The following COG7 variants were observed in gnomAD, a reference collection of about 807,000 sequenced individuals.
COG7 encodes component of oligomeric golgi complex 7.
In COG7, 49 loss-of-function variants were observed where a neutral mutation model predicts 91.5. The ratio of observed to expected loss-of-function variants is 0.54; its 90% CI spans 0.43 to 0.68. The LOEUF (loss-of-function observed/expected upper bound fraction) is 0.68, where lower values mean the gene tolerates loss of function less well. COG7 is among the 30% of genes least tolerant of loss of function. The pLI, the probability that COG7 is intolerant of heterozygous loss-of-function variation, is 0.00. For synonymous variants in COG7, 365 were observed against 388.7 expected (o/e 0.94, Z 0.72); for missense variants, 895 against 961.3 (o/e 0.93, Z 0.91).
chr16:23,427,144 G>C (rs760352605), intron 6 of COG7, among the ~76,000 whole-genome samples: 2 of 152,122 alleles, frequency 1.3e-5, no homozygotes, highest in African/African-American at 2.4e-5. Context: ...CCAGCTACTG[G>C]GGAGGCTGAG....
At position 23,389,094 on chromosome 16, in the gene COG7, G is replaced by GGC; in HGVS notation, c.2147-10_2147-9dup. 1 of 1,613,434 alleles carries GGC rather than the reference G, an allele frequency of 6.2e-7. No individual in the cohort carries two copies. Among genetic ancestry groups the GGC allele is most frequent in the East Asian group, 2.2e-5 (1 of 44,850 alleles). ...TCACGTTGATCAGATAGTCTGTGGGGGCGGAGAGGAGACAGACAGAGCTCC... is the reference window on the plus strand; with the variant it reads ...TCACGTTGATCAGATAGTCTGTGGGGGCGCGGAGAGGAGACAGACAGAGCTCC... On this transcript the variant is annotated splice_polypyrimidine_tract_variant and intron_variant, in intron 16 of 16. Transcript: ENST00000307149.
At chr16:23,403,967 C>A in intron 12 of COG7, 133 bp from the exon 13 acceptor site, 3 of 1,001,192 alleles carry the variant, frequency 3.0e-6, no homozygotes, top group Non-Finnish European at 4.5e-6. Context: ...CTGGCTGTGC[C>A]CCAGGCCCCT....
At chr16:23,407,445 G>C (rs1346922932) in intron 11 of COG7, among the ~76,000 whole-genome samples, 11 of 152,214 alleles carry the variant, frequency 7.2e-5, no homozygotes, top group Non-Finnish European at 5.9e-5. Context: ...CTAAGGGTTA[G>C]CAGAATGATC....
At chr16:23,391,071 A>T (rs1032166922) in intron 16 of COG7, among the ~76,000 whole-genome samples, 1 of 152,220 alleles carries the variant, frequency 6.6e-6, no homozygotes, top group African/African-American at 2.4e-5. Context: ...TCAGTTTCAT[A>T]TACTAGCCTT....
chr16:23,395,724 G>A (rs1221131664), intron 14 of COG7, among the ~76,000 whole-genome samples: 1 of 152,180 alleles, frequency 6.6e-6, no homozygotes, highest in Non-Finnish European at 1.5e-5. Context: ...TATGGAAAGG[G>A]CTGCTTAGCA....
intron 16 of COG7, chr16:23,391,991 C>G: frequency 2.4e-5 from 28 of 1,172,548 alleles, no homozygotes; most frequent in Non-Finnish European, 3.0e-5. Context: ...TTACATAAGA[C>G]GATGGGTGCG....
chr16:23,442,760 T>A, intron 3 of COG7, 115 bp from the exon 4 acceptor site: 1 of 926,972 alleles, frequency 1.1e-6, no homozygotes, highest in Non-Finnish European at 1.7e-6. Context: ...GGGCTGGGCA[T>A]CGTGGTGGTT....
Position 23,398,082 on chromosome 16 carries a change from G to T in COG7, c.1851C>A (p.Pro617=). The T allele has an allele frequency of 6.2e-7, 1 of 1,614,096 alleles. No individual in the cohort carries two copies. The highest frequency in any genetic ancestry group is 1.1e-5 in the South Asian group (1 of 91,054). Reference sequence around the variant, plus strand: ...ACTCGAGAGGGGTGAGACTAAAGGCGGGCAGTTCATCTGTGAGGGTTTCTC... The same window carrying T: ...ACTCGAGAGGGGTGAGACTAAAGGCTGGCAGTTCATCTGTGAGGGTTTCTC... ...GIGETLTDEL[P]AFSLTPLEYI... The change falls in exon 14 of 17, where the codon CCC becomes CCA. Residue 617 remains proline, a synonymous_variant. Transcript: ENST00000307149.
chr16:23,400,838 C>T (rs566264585), intron 13 of COG7, among the ~76,000 whole-genome samples: 1 of 152,084 alleles, frequency 6.6e-6, no homozygotes, highest in East Asian at 1.9e-4. Flanking sequence ...GGTGTGGTGA[C>T]GCTTGCCTGT....
At chr16:23,424,072 G>T (rs567518158) in intron 7 of COG7, among the ~76,000 whole-genome samples, 1 of 152,062 alleles carries the variant, frequency 6.6e-6, no homozygotes, top group Non-Finnish European at 1.5e-5. Context: ...AGGCCGAGGC[G>T]GGCAGATCAC....
intron 1 of COG7, among the ~76,000 whole-genome samples, chr16:23,451,531 T>C (rs886184495): frequency 3.3e-5 from 5 of 152,036 alleles, no homozygotes; most frequent in Admixed American, 6.6e-5. Context: ...CTGGGCAACA[T>C]AGTGCGACCT....
intron 7 of COG7, among the ~76,000 whole-genome samples, chr16:23,421,966 TA>T (rs760007741): frequency 1.1e-4 from 17 of 151,844 alleles, no homozygotes; most frequent in Non-Finnish European, 2.1e-4. Flanking sequence ...GCTCAAAAAC[TA>T]ATGTATAAAA....
In COG7 at chr16:23,434,681, A is replaced by G. The variant is rs1362703585; in HGVS notation, c.642T>C (p.Ile214=). 2 of 1,613,900 alleles carry G rather than the reference A, an allele frequency of 1.2e-6. No homozygotes were observed. The highest frequency in any genetic ancestry group is 1.7e-6 in the Non-Finnish European group (2 of 1,179,750). ...AGGCCAGGAGCTGGGGCATCCGGTCAATTTCAGTAAACACCTTCACAAACA... is the reference window on the plus strand; with the variant it reads ...AGGCCAGGAGCTGGGGCATCCGGTCGATTTCAGTAAACACCTTCACAAACA... The part of the protein sequence containing the change: ...SKVFVKVFTE[I]DRMPQLLAYY... Residue 214 remains isoleucine (I), a synonymous_variant, in exon 5 of 17, where the codon ATT becomes ATC. Transcript: ENST00000307149.
chr16:23,425,956 G>A (rs755741123), intron 6 of COG7, among the ~76,000 whole-genome samples: 4 of 152,178 alleles, frequency 2.6e-5, no homozygotes, highest in Non-Finnish European at 5.9e-5. Context: ...GCTCATGCCT[G>A]TAATCCCAGC....
intron 7 of COG7, among the ~76,000 whole-genome samples, chr16:23,420,535 C>G (rs1204278269): frequency 6.6e-6 from 1 of 152,196 alleles, no homozygotes; most frequent in Non-Finnish European, 1.5e-5. Context: ...GATCCTCTGT[C>G]TGGAAGGACC....
chr16:23,391,902 G>T (rs1963203341), intron 16 of COG7: 21 of 730,664 alleles, frequency 2.9e-5, no homozygotes, highest in Non-Finnish European at 3.7e-5. Flanking sequence ...ACATGGCCTT[G>T]TTATGGAACT....
intron 6 of COG7, among the ~76,000 whole-genome samples, chr16:23,425,407 C>T (rs1291771776): frequency 6.6e-6 from 1 of 152,178 alleles, no homozygotes; most frequent in African/African-American, 2.4e-5. Flanking sequence ...TCATAGCTCA[C>T]TGCAGCCTTT....
rs762243082 is a variant in COG7, at chr16:23,403,707, A to G, written c.1790T>C (p.Ile597Thr). The G allele has an allele frequency of 2.5e-6, 4 of 1,614,108 alleles. No homozygotes were observed. Among genetic ancestry groups the G allele is most frequent in the Non-Finnish European group, 3.4e-6 (4 of 1,179,968 alleles). The change falls in exon 13 of 17, where the codon ATT (isoleucine) becomes ACT (threonine). Residue 597 changes from isoleucine (I) to threonine (T), a missense_variant. By Grantham distance (89) the Ile-to-Thr change is moderately conservative. Coordinates refer to ENST00000307149, the MANE Select transcript of COG7 (RefSeq NM_153603.4). Reference sequence around the variant, plus strand: ...TGAGAAACTCACGTCCATCTTCGAAATAAGCAACAGCTGTTGTTTGATGCG... The same window carrying G: ...TGAGAAACTCACGTCCATCTTCGAAGTAAGCAACAGCTGTTGTTTGATGCG... ...FLRIKQQLLLISKMDSWNTAG... is the reference protein window; with the variant it reads ...FLRIKQQLLLTSKMDSWNTAG...
intron 7 of COG7, among the ~76,000 whole-genome samples, chr16:23,423,464 C>T (rs1216136996): frequency 3.3e-5 from 5 of 152,208 alleles, no homozygotes; most frequent in Admixed American, 6.5e-5. Flanking sequence ...CTTGCTCCAC[C>T]TTCGTCCCAC....
Sources: allele counts gnomAD v4.1 joint callset (sites outside exome capture counted in the v4.1 genomes callset), GRCh38; gene constraint gnomAD v4.1.1; transcripts MANE v1.5; gene names NCBI Gene and HGNC (gene_info 2026-07-23, HGNC 2026-07-21).